METTL8: variants seen among roughly 807,000 people sequenced by gnomAD.
METTL8 encodes tRNA N(3)-cytidine methyltransferase METTL8, mitochondrial.
In METTL8, 32 loss-of-function variants were observed where a neutral mutation model predicts 48.7. That is an observed-to-expected ratio of 0.66 (90% confidence interval 0.50 to 0.88). METTL8 has a LOEUF of 0.88. METTL8 is among the 40% of genes least tolerant of loss of function. METTL8 has a pLI of 0.00. For synonymous variants in METTL8, 136 were observed against 157.1 expected (o/e 0.87, Z 1.01); for missense variants, 464 against 474.4 (o/e 0.98, Z 0.20).
intron 2 of METTL8, among the ~76,000 whole-genome samples, chr2:171,384,971 T>G (rs1479682345): frequency 6.6e-6 from 1 of 151,688 alleles, no homozygotes; most frequent in Non-Finnish European, 1.5e-5. Context: ...GTATCTTTAT[T>G]TTTTCTTAAA....
chr2:171,355,926 G>A (rs891979645), intron 3 of METTL8, among the ~76,000 whole-genome samples: 1 of 152,160 alleles, frequency 6.6e-6, no homozygotes, highest in Non-Finnish European at 1.5e-5. Flanking sequence ...CGGGTGAGGT[G>A]ATGCCTTGCC....
intron 3 of METTL8, among the ~76,000 whole-genome samples, chr2:171,356,954 T>TTTTTTTTTTTTTTTTG (rs1684633864): frequency 1.5e-3 from 1 of 646 alleles, no homozygotes; most frequent in Non-Finnish European, 7.4e-3. Flanking sequence ...AAGACAATAT[T>TTTTTTTTTTTTTTTTG]TTTTTTTTTT....
intron 4 of METTL8, among the ~76,000 whole-genome samples, chr2:171,337,707 A>G (rs951538188): frequency 5.3e-5 from 8 of 152,122 alleles, no homozygotes; most frequent in African/African-American, 1.9e-4. Context: ...TTTTTTACAC[A>G]CCAAAACCCA....
At chr2:171,363,794 A>ATATATATATATATATATATATG (rs1559114312) in intron 2 of METTL8, among the ~76,000 whole-genome samples, 1 of 104,148 alleles carries the variant, frequency 9.6e-6, no homozygotes, top group African/African-American at 3.1e-5. Context: ...CCCAAATTTT[A>ATATATATATATATATATATATG]TATATATATA....
chr2:171,423,139 C>A (rs770577215), intron 1 of METTL8, among the ~76,000 whole-genome samples: 1 of 152,200 alleles, frequency 6.6e-6, no homozygotes, highest in African/African-American at 2.4e-5. Flanking sequence ...ATGTGAAGAA[C>A]GATGTGTTTG....
intron 3 of METTL8, among the ~76,000 whole-genome samples, chr2:171,353,686 T>C (rs1440889799): frequency 6.6e-6 from 1 of 152,256 alleles, no homozygotes; most frequent in Non-Finnish European, 1.5e-5. Flanking sequence ...TTAGCTCTTC[T>C]TGTTGAATTG....
rs146070410 is a variant in METTL8 at position 171,376,809 on chromosome 2, T to C, written c.143+15234A>G. On this transcript the variant is annotated intron_variant, in intron 2 of 9. Transcript: ENST00000375258. Reference sequence around the variant, plus strand: ...ATCTATAGATTCAATGCAATTTCCATCAAAACACCATCATCATTCTTCAAA... The same window carrying C: ...ATCTATAGATTCAATGCAATTTCCACCAAAACACCATCATCATTCTTCAAA... 3.1e-3 allele frequency among the ~76,000 whole-genome samples: 469 copies of C among 152,150 alleles called. 2 individuals carry two copies. Among genetic ancestry groups the C allele is most frequent in the East Asian group, 0.018 (94 of 5,194 alleles).
chr2:171,434,376 G>A (rs1199114347), upstream of METTL8: 4 of 881,550 alleles, frequency 4.5e-6, no homozygotes, highest in Non-Finnish European at 5.4e-6. Flanking sequence ...CCTTCTCTCC[G>A]CGCTCTGGCG....
chr2:171,389,017 A>G (rs1451182915), intron 2 of METTL8, among the ~76,000 whole-genome samples: 1 of 152,130 alleles, frequency 6.6e-6, no homozygotes, highest in Non-Finnish European at 1.5e-5. Context: ...ACAAAACAAT[A>G]ATGAAATGAG....
intron 5 of METTL8, among the ~76,000 whole-genome samples, chr2:171,333,084 T>A (rs913053574): frequency 2.8e-5 from 4 of 143,174 alleles, no homozygotes; most frequent in African/African-American, 1.0e-4. Flanking sequence ...CAGGTTATAC[T>A]CTTTTTTTTT....
At chr2:171,411,193 A>G (rs1690713594) in intron 1 of METTL8, among the ~76,000 whole-genome samples, 3 of 152,248 alleles carry the variant, frequency 2.0e-5, no homozygotes, top group African/African-American at 2.4e-5. Context: ...GGGGCTGAAG[A>G]TTCAATACTG....
chr2:171,361,399 T>C (rs1404495142), intron 2 of METTL8, among the ~76,000 whole-genome samples: 1 of 152,116 alleles, frequency 6.6e-6, no homozygotes, highest in African/African-American at 2.4e-5. Context: ...CCTAACACTA[T>C]TATCATATGA....
At chr2:171,325,231 G>C (rs1286560358) in intron 9 of METTL8, among the ~76,000 whole-genome samples, 1 of 151,656 alleles carries the variant, frequency 6.6e-6, no homozygotes, top group Non-Finnish European at 1.5e-5. Flanking sequence ...TGCTGCCCAG[G>C]CTGGAGCACA....
chr2:171,337,308 G>A (rs1559063351), intron 5 of METTL8, 145 bp downstream of exon 5: 1 of 571,382 alleles, frequency 1.8e-6, no homozygotes, highest in East Asian at 3.2e-5. Flanking sequence ...TTGAGATTAA[G>A]ACATTTCTTT....
At chr2:171,370,886 A>G (rs1163787656) in intron 2 of METTL8, among the ~76,000 whole-genome samples, 1 of 152,192 alleles carries the variant, frequency 6.6e-6, no homozygotes, top group African/African-American at 2.4e-5. Flanking sequence ...TAAGGTGAAC[A>G]GGACCTAAGG....
At chr2:171,390,803 CACAACAAAGAATTTAGACATAATTTAG>C (rs1308264953) in intron 2 of METTL8, among the ~76,000 whole-genome samples, 8 of 152,114 alleles carry the variant, frequency 5.3e-5, no homozygotes, top group African/African-American at 1.4e-4. Flanking sequence ...CTGTGGAAAT[CACAACAAAGAATTTAGACATAATTTAG>C]ACAACAAAGA....
intron 2 of METTL8, among the ~76,000 whole-genome samples, chr2:171,371,853 AT>A (rs1010722778): frequency 1.3e-5 from 2 of 148,450 alleles, no homozygotes; most frequent in African/African-American, 4.9e-5. Context: ...TATTATTATT[AT>A]TATTATTATT....
At chr2:171,363,810 A>ATATATATATATATATATATATATATATC (rs1160305500) in intron 2 of METTL8, among the ~76,000 whole-genome samples, 7 of 137,882 alleles carry the variant, frequency 5.1e-5, no homozygotes, top group African/African-American at 1.9e-4. Flanking sequence ...ATATATATAT[A>ATATATATATATATATATATATATATATC]TATATCTTTT....
intron 2 of METTL8, among the ~76,000 whole-genome samples, chr2:171,383,770 A>G (rs1188093035): frequency 6.6e-6 from 1 of 152,240 alleles, no homozygotes; most frequent in African/African-American, 2.4e-5. Context: ...AGCATTTTGA[A>G]AATCGTTTCC....
Sources: gnomAD v4.1 joint callset for allele counts (sites outside exome capture counted in the v4.1 genomes callset) on GRCh38, gnomAD v4.1.1 for gene constraint, MANE v1.5 for transcripts, NCBI Gene and HGNC (gene_info 2026-07-23, HGNC 2026-07-21) for gene names.